The following IL1RAPL2 variants were observed in gnomAD, a reference collection of about 807,000 sequenced individuals.
IL1RAPL2 encodes the protein interleukin 1 receptor accessory protein like 2.
Under a neutral mutation model 44.1 loss-of-function variants are expected in IL1RAPL2, and 3 were observed. That is an observed-to-expected ratio of 0.07 (90% CI 0.03 to 0.18). The LOEUF is 0.18. IL1RAPL2 is among the 10% of genes least tolerant of loss of function. IL1RAPL2 has a pLI of 1.00. For missense variants in IL1RAPL2, 391 were observed against 496.4 expected, an observed-to-expected ratio of 0.79 and a Z score of 2.02; for synonymous variants, 181 against 178.8, an observed-to-expected ratio of 1.01 and a Z score of -0.10.
intron 2 of IL1RAPL2, among the ~76,000 whole-genome samples, chrX:104,667,801 C>T (rs1930513203): frequency 1.8e-5 from 2 of 111,626 alleles, no homozygotes. Context: ...ATGCTCTTTC[C>T]ACAACACCAT....
At chrX:105,741,671 G>T (rs754153864) in intron 8 of IL1RAPL2, among the ~76,000 whole-genome samples, 1 of 111,286 alleles carries the variant, frequency 9.0e-6, no homozygotes, top group Non-Finnish European at 1.9e-5. Context: ...GCACCACTTC[G>T]TACTCCATTA....
chrX:105,039,645 A>G (rs749873561), intron 2 of IL1RAPL2, among the ~76,000 whole-genome samples: 1 of 111,390 alleles, frequency 9.0e-6, no homozygotes, highest in South Asian at 3.8e-4. Flanking sequence ...CTTTGAAGCA[A>G]TTGTGAATGG....
At chrX:105,216,490 A>G (rs1321179946) in intron 3 of IL1RAPL2, among the ~76,000 whole-genome samples, 1 of 111,569 alleles carries the variant, frequency 9.0e-6, no homozygotes, top group Middle Eastern at 4.2e-3. Flanking sequence ...CATGGATAGG[A>G]AGAATTAATA....
intron 1 of IL1RAPL2, among the ~76,000 whole-genome samples, chrX:104,597,226 C>A (rs752064410): frequency 7.3e-5 from 8 of 108,846 alleles, no homozygotes; most frequent in Non-Finnish European, 1.3e-4. Context: ...CACCTGTAGT[C>A]CCAGCTACTC....
intron 10 of IL1RAPL2, among the ~76,000 whole-genome samples, chrX:105,764,988 C>A (rs961186282): frequency 9.0e-6 from 1 of 110,951 alleles, no homozygotes; most frequent in African/African-American, 3.3e-5. Context: ...CTCAAAGTAA[C>A]CCCTTGGTAA....
At chrX:104,917,818 A>G (rs749881884) in intron 2 of IL1RAPL2, among the ~76,000 whole-genome samples, 1 of 111,780 alleles carries the variant, frequency 8.9e-6, no homozygotes, top group African/African-American at 3.2e-5. Context: ...ATTAATAGAA[A>G]CCTGGATATT....
chrX:105,546,695 A>G (rs887567516), intron 6 of IL1RAPL2, among the ~76,000 whole-genome samples: 1 of 111,466 alleles, frequency 9.0e-6, no homozygotes, highest in Non-Finnish European at 1.9e-5. Context: ...TATGGCAAAA[A>G]GAGGAGAAAC....
rs763634719 is a variant in IL1RAPL2, at chrX:104,597,679, TG to T, written c.-20+30633del. Among the ~76,000 whole-genome samples the T allele has an allele frequency of 3.6e-4, 40 of 110,995 alleles. 1 individual carries two copies. The South Asian group carries it at 0.014, about 39-fold the overall frequency. ...AATCATGAGAGGCACAGCAGGTTTT[TG>T]GGGGAAGGTTTTTAGTTCCTTCCCC... On this transcript the variant is annotated intron_variant, in intron 1 of 10. Transcript: ENST00000372582.
chrX:105,623,523 T>C (rs1171817043), intron 6 of IL1RAPL2, among the ~76,000 whole-genome samples: 1 of 111,254 alleles, frequency 9.0e-6, no homozygotes, highest in Non-Finnish European at 1.9e-5. Flanking sequence ...ACTAGATGAA[T>C]CTAAGTAAAT....
chrX:105,286,950 G>T (rs2034576753), intron 5 of IL1RAPL2, among the ~76,000 whole-genome samples: 1 of 111,701 alleles, frequency 9.0e-6, no homozygotes, highest in Non-Finnish European at 1.9e-5. Context: ...TTAACCTATT[G>T]AAAAATATCT....
At chrX:105,509,971 G>A (rs975942732) in intron 6 of IL1RAPL2, among the ~76,000 whole-genome samples, 14 of 109,994 alleles carry the variant, frequency 1.3e-4, no homozygotes, top group African/African-American at 4.3e-4. Context: ...AGGAGTTGGA[G>A]AACAGTTTGG....
chrX:105,477,393 A>G (rs2036204794), intron 5 of IL1RAPL2, among the ~76,000 whole-genome samples: 1 of 111,688 alleles, frequency 9.0e-6, no homozygotes, highest in African/African-American at 3.3e-5. Context: ...ATAATACAGG[A>G]TTAGGAAGAC....
chrX:104,677,919 C>T (rs1437544983), intron 2 of IL1RAPL2, among the ~76,000 whole-genome samples: 4 of 112,637 alleles, frequency 3.6e-5, no homozygotes, highest in Non-Finnish European at 5.6e-5. Flanking sequence ...ACCCCTTGCG[C>T]TTCCCCAGTG....
At chrX:105,656,211 T>C (rs1433534087) in intron 6 of IL1RAPL2, among the ~76,000 whole-genome samples, 4 of 111,837 alleles carry the variant, frequency 3.6e-5, no homozygotes, top group Non-Finnish European at 7.5e-5. Flanking sequence ...ATTGAAATAT[T>C]GGGAGATTGT....
chrX:105,442,065 A>ATTTTT (rs1220792742), intron 5 of IL1RAPL2, among the ~76,000 whole-genome samples: 1 of 108,825 alleles, frequency 9.2e-6, no homozygotes, highest in African/African-American at 3.4e-5. Flanking sequence ...ATTTTATTTT[A>ATTTTT]TTTTTTTTGG....
At chrX:105,470,861 G>A (rs2036161319) in intron 5 of IL1RAPL2, among the ~76,000 whole-genome samples, 1 of 111,459 alleles carries the variant, frequency 9.0e-6, no homozygotes, top group Non-Finnish European at 1.9e-5. Flanking sequence ...TTGCTTTGGT[G>A]ATCCTGATGC....
intron 2 of IL1RAPL2, among the ~76,000 whole-genome samples, chrX:105,080,043 G>A (rs1033728969): frequency 3.6e-5 from 4 of 111,814 alleles, no homozygotes; most frequent in South Asian, 3.7e-4. Context: ...CTTTGATGGC[G>A]TTGTTTTATT....
At chrX:104,693,123 T>C (rs1223243525) in intron 2 of IL1RAPL2, among the ~76,000 whole-genome samples, 1 of 112,297 alleles carries the variant, frequency 8.9e-6, no homozygotes, top group Non-Finnish European at 1.9e-5. Context: ...AGGGTGTACA[T>C]GCACAGGTAT....
At chrX:105,077,894 G>T (rs113805020) in intron 2 of IL1RAPL2, among the ~76,000 whole-genome samples, 3 of 111,499 alleles carry the variant, frequency 2.7e-5, no homozygotes, top group Admixed American at 9.6e-5. Flanking sequence ...GCTCCATCAG[G>T]TCCTTTAAGG....
Sources: gnomAD v4.1 joint callset for allele counts (sites outside exome capture counted in the v4.1 genomes callset) on GRCh38, gnomAD v4.1.1 for gene constraint, MANE v1.5 for transcripts, NCBI Gene and HGNC (gene_info 2026-07-23, HGNC 2026-07-21) for gene names.